Variants in SMPDL3A observed in about 807,000 individuals in gnomAD.
SMPDL3A encodes the protein sphingomyelin phosphodiesterase acid like 3A.
Under a neutral mutation model 38.5 loss-of-function variants are expected in SMPDL3A, and 39 were observed. That is an observed-to-expected ratio of 1.01 (90% confidence interval 0.78 to 1.32). The LOEUF is 1.32. SMPDL3A is among the 40% of genes most tolerant of loss of function. SMPDL3A has a pLI of 0.00. For synonymous variants in SMPDL3A, 180 were observed against 194.3 expected (o/e 0.93, Z 0.61); for missense variants, 502 against 536.2 (o/e 0.94, Z 0.63).
chr6:122,792,656 G>A (rs1288843326), intron 1 of SMPDL3A, among the ~76,000 whole-genome samples: 3 of 129,908 alleles, frequency 2.3e-5, no homozygotes, highest in Admixed American at 8.1e-5. Context: ...TTTTTTTTTA[G>A]AGACAGGGTC....
At chr6:122,806,733 G>C (rs1781635749) in intron 7 of SMPDL3A, among the ~76,000 whole-genome samples, 1 of 151,792 alleles carries the variant, frequency 6.6e-6, no homozygotes, top group South Asian at 2.1e-4. Flanking sequence ...CCTCTCATGA[G>C]CCATTATTTC....
chr6:122,805,442 T>C (rs1781579827), intron 6 of SMPDL3A, among the ~76,000 whole-genome samples: 1 of 152,236 alleles, frequency 6.6e-6, no homozygotes, highest in Admixed American at 6.5e-5. Context: ...TTTCTTTTGA[T>C]GCTACATGTT....
rs1318206758 is a variant in SMPDL3A, at chr6:122,789,550, T to C, written c.112+92T>C. Reference sequence around the variant, plus strand: ...GCAGGAGAAAGTGCGTGGGGGCAGCTGCCCCCGGCAGAGGCTCGGGCTAGC... The same window carrying C: ...GCAGGAGAAAGTGCGTGGGGGCAGCCGCCCCCGGCAGAGGCTCGGGCTAGC... On this transcript the variant is annotated intron_variant, in intron 1 of 7. Coordinates refer to ENST00000368440, the MANE Select transcript of SMPDL3A (RefSeq NM_006714.5). 2.6e-6 allele frequency: 3 copies of C among 1,155,408 alleles called. No homozygotes were observed. The African/African-American group carries it at 4.7e-5, about 18-fold the overall frequency. 71.6% of individuals were successfully genotyped at this position (1,155,408 alleles called of 1,614,324 possible).
Position 122,803,849 on chromosome 6 carries a change from C to G in SMPDL3A, c.738+16C>G. The G allele has an allele frequency of 1.9e-6, 3 of 1,606,908 alleles. No homozygotes were observed. Among genetic ancestry groups the G allele is most frequent in the Non-Finnish European group, 2.6e-6 (3 of 1,176,382 alleles). ...TAAGGAGAAGGTAGATCCCATAGAC[C>G]AAAACCATCTGGGAATAAACGGAAG... On this transcript the variant is annotated intron_variant, in intron 5 of 7. Transcript: ENST00000368440.
intron 6 of SMPDL3A, 143 bp from the exon 7 acceptor site, chr6:122,806,090 A>T: frequency 5.2e-6 from 3 of 574,616 alleles, no homozygotes; most frequent in Non-Finnish European, 8.4e-6. Context: ...TTGTCTCTTT[A>T]CAGTTGTTTC....
At chr6:122,807,314 C>A (rs972638263) in intron 7 of SMPDL3A, among the ~76,000 whole-genome samples, 1 of 152,074 alleles carries the variant, frequency 6.6e-6, no homozygotes, top group Non-Finnish European at 1.5e-5. Flanking sequence ...TTGGCTGACA[C>A]GGTGAAACCC....
At position 122,797,154 on chromosome 6, in the gene SMPDL3A, A is replaced by G. The variant is rs1781275861; in HGVS notation, c.471+186A>G. On this transcript the variant is annotated intron_variant, in intron 3 of 7. Transcript: ENST00000368440. ...CGGGGACTGTAAAAGTAATCTTTTA[A>G]TACTTCATGAGAAGTTGTATCAATA... 4 of 456,418 alleles carry G rather than the reference A, an allele frequency of 8.8e-6. No individual in the cohort carries two copies. In the South Asian group the frequency reaches 2.2e-4, roughly 25 times the overall value. 28.3% of individuals were successfully genotyped at this position (456,418 alleles called of 1,614,324 possible).
intron 1 of SMPDL3A, chr6:122,789,756 C>T (rs551754763): frequency 1.2e-6 from 1 of 851,358 alleles, no homozygotes; most frequent in Admixed American, 6.2e-5. Flanking sequence ...TTGTTTACAT[C>T]CTGCATCTCA....
chr6:122,807,583 T>G (rs926269427), intron 7 of SMPDL3A, among the ~76,000 whole-genome samples: 3 of 152,234 alleles, frequency 2.0e-5, no homozygotes, highest in Admixed American at 6.5e-5. Context: ...CTCCTTGCTT[T>G]AGAACAATTT....
chr6:122,806,696 A>G (rs937507368), intron 7 of SMPDL3A, among the ~76,000 whole-genome samples: 30 of 152,210 alleles, frequency 2.0e-4, no homozygotes, highest in Admixed American at 1.6e-3. Context: ...ATAAGTATCA[A>G]GAAGAGTGTA....
intron 1 of SMPDL3A, among the ~76,000 whole-genome samples, chr6:122,790,678 G>GA (rs1264643146): frequency 2.0e-5 from 3 of 152,168 alleles, no homozygotes; most frequent in African/African-American, 4.8e-5. Flanking sequence ...GTCATTACAA[G>GA]AAATTTCCCC....
At chr6:122,798,305 A>G (rs1038935697) in intron 3 of SMPDL3A, among the ~76,000 whole-genome samples, 2 of 152,160 alleles carry the variant, frequency 1.3e-5, no homozygotes, top group Non-Finnish European at 2.9e-5. Flanking sequence ...CACAGTGAAG[A>G]GGCTTGGGAA....
At position 122,801,306 on chromosome 6, in the gene SMPDL3A, C is replaced by T; in HGVS notation, c.472-4C>T. On this transcript the variant is annotated splice_polypyrimidine_tract_variant and splice_region_variant and intron_variant, in intron 3 of 7. Coordinates refer to ENST00000368440, the MANE Select transcript of SMPDL3A (RefSeq NM_006714.5). Reference sequence around the variant, plus strand: ...CAATGGTGGATTATATTGTTTGTGGCCAGGATCAACTGCCTGTAGTCACCA... The same window carrying T: ...CAATGGTGGATTATATTGTTTGTGGTCAGGATCAACTGCCTGTAGTCACCA... 1 of 1,603,952 alleles carries T rather than the reference C, an allele frequency of 6.2e-7. No individual in the cohort carries two copies. Among genetic ancestry groups the T allele is most frequent in the Non-Finnish European group, 8.5e-7 (1 of 1,171,566 alleles).
chr6:122,801,270 T>A (rs1273112405), intron 3 of SMPDL3A, 40 bp from the exon 4 acceptor site: 1 of 1,396,326 alleles, frequency 7.2e-7, no homozygotes, highest in East Asian at 2.3e-5. Flanking sequence ...CAGCTGTGTA[T>A]CTTTAAATTT....
chr6:122,802,492 G>A (rs540580894), intron 4 of SMPDL3A, among the ~76,000 whole-genome samples: 11 of 152,186 alleles, frequency 7.2e-5, no homozygotes, highest in African/African-American at 2.4e-4. Flanking sequence ...ATGAGCCACC[G>A]TGCCCGGCCT....
chr6:122,796,261 T>C (rs1246020109), intron 2 of SMPDL3A, among the ~76,000 whole-genome samples: 1 of 152,218 alleles, frequency 6.6e-6, no homozygotes, highest in African/African-American at 2.4e-5. Context: ...TATAACTAAC[T>C]GGTTCCCTTC....
chr6:122,808,748 C>T (rs1250114916), intron 7 of SMPDL3A, among the ~76,000 whole-genome samples: 10 of 151,370 alleles, frequency 6.6e-5, no homozygotes, highest in Non-Finnish European at 1.2e-4. Flanking sequence ...ATCTCGCAAT[C>T]CCGGCTCACC....
At chr6:122,808,948 C>A in intron 7 of SMPDL3A, 143 bp from the exon 8 acceptor site, 1 of 653,222 alleles carries the variant, frequency 1.5e-6, no homozygotes. Flanking sequence ...CCTGCCTCAG[C>A]CTCTCAAAGT....
Position 122,809,165 on chromosome 6 carries a change from C to G in SMPDL3A, c.1119C>G (p.Ile373Met). 2 of 1,614,060 alleles carry G rather than the reference C, an allele frequency of 1.2e-6. No homozygotes were observed. The highest frequency in any genetic ancestry group is 1.7e-6 in the Non-Finnish European group (2 of 1,179,956). ...KGESIWKLEY[I>M]LTQTYDIEDL... ...AGTCCATCTGGAAGCTGGAGTATAT[C>G]CTGACCCAGACCTACGACATTGAAG... Residue 373 changes from isoleucine to methionine, a missense_variant, in exon 8 of 8, where the codon ATC (isoleucine) becomes ATG (methionine). Transcript: ENST00000368440.
Sources: allele counts gnomAD v4.1 joint callset (sites outside exome capture counted in the v4.1 genomes callset), GRCh38; gene constraint gnomAD v4.1.1; transcripts MANE v1.5; gene names NCBI Gene and HGNC (gene_info 2026-07-23, HGNC 2026-07-21).